RARB: variants seen among roughly 807,000 people sequenced by gnomAD.
RARB encodes the protein retinoic acid receptor beta.
Under a neutral mutation model 51.9 loss-of-function variants are expected in RARB, and 17 were observed. That is an observed-to-expected ratio of 0.33 (90% CI 0.22 to 0.49). The LOEUF (loss-of-function observed/expected upper bound fraction) is 0.49. Among genes scored for constraint, RARB ranks in the 20% least tolerant of loss-of-function variants. The pLI is 0.99. For synonymous variants in RARB, 215 were observed against 195.4 expected, an observed-to-expected ratio of 1.10 and a Z score of -0.84; for missense variants, 369 against 550.8, an observed-to-expected ratio of 0.67 and a Z score of 3.30.
chr3:24,972,316 G>T (rs1385707467), intron 2 of RARB, among the ~76,000 whole-genome samples: 1 of 151,886 alleles, frequency 6.6e-6, no homozygotes, highest in Non-Finnish European at 1.5e-5. Context: ...AAATGACATG[G>T]TTTCCTTCTT....
chr3:25,267,974 T>C (rs1703163828), intron 5 of RARB, among the ~76,000 whole-genome samples: 1 of 152,208 alleles, frequency 6.6e-6, no homozygotes, highest in African/African-American at 2.4e-5. Flanking sequence ...TCTCTCAAGG[T>C]ATTTTCAAAT....
chr3:25,179,157 A>G (rs1221190915), intron 5 of RARB, among the ~76,000 whole-genome samples: 2 of 152,214 alleles, frequency 1.3e-5, no homozygotes, highest in South Asian at 2.1e-4. Context: ...ATTACCAATG[A>G]TGGAACATAA....
chr3:24,834,377 C>T (rs1005546069), intron 1 of RARB, among the ~76,000 whole-genome samples: 1 of 152,040 alleles, frequency 6.6e-6, no homozygotes, highest in Non-Finnish European at 1.5e-5. Flanking sequence ...TAATAAAAAA[C>T]CTAGAAATAC....
At chr3:25,373,361 C>T (rs756739420) in intron 5 of RARB, among the ~76,000 whole-genome samples, 8 of 151,882 alleles carry the variant, frequency 5.3e-5, no homozygotes, top group Non-Finnish European at 1.2e-4. Flanking sequence ...AGAAACCAAC[C>T]CAGGAAATGA....
At chr3:25,582,530 T>C (rs1226208716) in intron 5 of RARB, among the ~76,000 whole-genome samples, 16 of 152,040 alleles carry the variant, frequency 1.1e-4, no homozygotes, top group Non-Finnish European at 2.2e-4. Context: ...TTTGTGATAC[T>C]CAGCCCCAAC....
chr3:25,320,560 T>G (rs1285919410), intron 5 of RARB, among the ~76,000 whole-genome samples: 1 of 152,214 alleles, frequency 6.6e-6, no homozygotes, highest in Admixed American at 6.5e-5. Flanking sequence ...CTTCTGCCAT[T>G]TTCTTGCATT....
At chr3:25,586,664 G>A (rs961938796) in intron 5 of RARB, among the ~76,000 whole-genome samples, 6 of 152,142 alleles carry the variant, frequency 3.9e-5, no homozygotes, top group East Asian at 1.9e-4. Flanking sequence ...CAAAAGTGAC[G>A]GCCTGTGTGA....
At chr3:24,991,448 A>AAAAAAAG (rs569915453) in intron 2 of RARB, among the ~76,000 whole-genome samples, 1,538 of 151,374 alleles carry the variant, frequency 0.01, 22 homozygotes, top group African/African-American at 0.036. Context: ...TGTCTCAAAA[A>AAAAAAAG]AAAAAGAAAA....
intron 2 of RARB, among the ~76,000 whole-genome samples, chr3:24,863,542 C>A (rs193224919): frequency 6.6e-6 from 1 of 152,102 alleles, no homozygotes; most frequent in African/African-American, 2.4e-5. Flanking sequence ...TCAGCGTAAC[C>A]TGGATTAGGG....
intron 5 of RARB, among the ~76,000 whole-genome samples, chr3:25,214,021 A>G (rs1701761100): frequency 1.3e-5 from 2 of 152,256 alleles, no homozygotes; most frequent in South Asian, 2.1e-4. Context: ...CCAACTCACC[A>G]AAGCCATGCA....
intron 3 of RARB, among the ~76,000 whole-genome samples, chr3:25,533,677 C>G (rs547221437): frequency 3.9e-5 from 6 of 152,200 alleles, no homozygotes; most frequent in African/African-American, 1.4e-4. Context: ...AATCATAAAA[C>G]GATCCCATAG....
intron 3 of RARB, among the ~76,000 whole-genome samples, chr3:25,081,060 G>A (rs1408754225): frequency 6.6e-6 from 1 of 151,756 alleles, no homozygotes; most frequent in Non-Finnish European, 1.5e-5. Flanking sequence ...GCTCTTCTTT[G>A]CTCTCTCATG....
intron 2 of RARB, among the ~76,000 whole-genome samples, chr3:25,477,566 A>AG (rs1696014482): frequency 1.3e-5 from 2 of 152,228 alleles, no homozygotes; most frequent in African/African-American, 4.8e-5. Flanking sequence ...AAGTACTTGC[A>AG]TACTGCAGTT....
intron 5 of RARB, among the ~76,000 whole-genome samples, chr3:25,220,536 T>C (rs987648693): frequency 3.9e-5 from 6 of 152,126 alleles, no homozygotes; most frequent in Admixed American, 2.6e-4. Flanking sequence ...ACGGAGGTAA[T>C]TGAATCATGG....
At chr3:24,922,822 C>G (rs1695246810) in intron 2 of RARB, among the ~76,000 whole-genome samples, 1 of 152,126 alleles carries the variant, frequency 6.6e-6, no homozygotes, top group African/African-American at 2.4e-5. Flanking sequence ...CCAAACATCT[C>G]TCTCTGAAAA....
chr3:25,006,790 C>A (rs1470859612), intron 2 of RARB, among the ~76,000 whole-genome samples: 1 of 152,146 alleles, frequency 6.6e-6, no homozygotes, highest in African/African-American at 2.4e-5. Flanking sequence ...GTAGACATTA[C>A]ACCTTAGAGT....
intron 5 of RARB, among the ~76,000 whole-genome samples, chr3:25,255,133 G>A (rs1276027843): frequency 6.6e-6 from 1 of 152,072 alleles, no homozygotes; most frequent in East Asian, 1.9e-4. Flanking sequence ...TCTTTACTAG[G>A]CATGAGCATC....
chr3:25,268,774 T>A (rs1304996478), intron 5 of RARB, among the ~76,000 whole-genome samples: 1 of 152,188 alleles, frequency 6.6e-6, no homozygotes, highest in Non-Finnish European at 1.5e-5. Context: ...AACTCTAACA[T>A]GTCAGCCTCT....
rs1248602125 is a variant in RARB, at chr3:24,855,662, TA to T, written c.-458-3005del. 2.0e-5 allele frequency among the ~76,000 whole-genome samples: 3 copies of T among 151,708 alleles called. No individual in the cohort carries two copies. In the East Asian group the frequency reaches 5.8e-4, roughly 29 times the overall value. On this transcript the variant is annotated intron_variant, in intron 1 of 11. Coordinates refer to the RARB transcript ENST00000383772. ...ATCAATACATGTTATATGGATTGTT[TA>T]AAAAAATTTGAACAGAAAAATCACG...
Sources: gnomAD v4.1 joint callset for allele counts (sites outside exome capture counted in the v4.1 genomes callset) on GRCh38, gnomAD v4.1.1 for gene constraint, MANE v1.5 for transcripts, NCBI Gene and HGNC (gene_info 2026-07-23, HGNC 2026-07-21) for gene names.